CRYBG1: variants seen among roughly 807,000 people sequenced by gnomAD.
CRYBG1 encodes beta/gamma crystallin domain-containing protein 1.
A neutral mutation model predicts 189.2 loss-of-function variants in CRYBG1; 139 were observed. The observed-to-expected ratio is 0.73, with a 90% CI of 0.64 to 0.85. CRYBG1 has a LOEUF of 0.85. CRYBG1 is among the 40% of genes least tolerant of loss of function. The probability of loss-of-function intolerance (pLI) is 0.00; values close to 1 mark genes in which losing one functional copy is unlikely to be tolerated. For missense variants in CRYBG1, 2,611 were observed against 2,675.8 expected, an observed-to-expected ratio of 0.98 and a Z score of 0.53; for synonymous variants, 1,023 against 1,017.1, an observed-to-expected ratio of 1.01 and a Z score of -0.11.
chr6:106,403,939 G>C (rs923959608), intron 1 of CRYBG1, among the ~76,000 whole-genome samples: 4 of 152,270 alleles, frequency 2.6e-5, no homozygotes, highest in African/African-American at 4.8e-5. Context: ...ACTCATGAGA[G>C]AATGTGAAGT....
chr6:106,500,058 C>A (rs990060031), intron 2 of CRYBG1, among the ~76,000 whole-genome samples: 1 of 152,180 alleles, frequency 6.6e-6, no homozygotes, highest in African/African-American at 2.4e-5. Flanking sequence ...TTTGCTTTAT[C>A]CATTCATCCA....
At chr6:106,361,260 G>T (rs543475894) in intron 1 of CRYBG1, among the ~76,000 whole-genome samples, 179 bp downstream of exon 1, 4 of 152,210 alleles carry the variant, frequency 2.6e-5, no homozygotes, top group Non-Finnish European at 5.9e-5. Context: ...GGTTGACGAG[G>T]TTCCTCGCGG....
intron 2 of CRYBG1, among the ~76,000 whole-genome samples, chr6:106,469,369 T>C (rs1242972916): frequency 1.3e-5 from 2 of 152,240 alleles, no homozygotes; most frequent in African/African-American, 4.8e-5. Context: ...GTCTTTCTCT[T>C]CTACAATATA....
At chr6:106,388,945 T>G (rs17066934) in intron 1 of CRYBG1, among the ~76,000 whole-genome samples, 4,600 of 152,272 alleles carry the variant, frequency 0.03, 237 homozygotes, top group African/African-American at 0.1. Context: ...CTTTTAAACC[T>G]AAAGAGACTG....
At chr6:106,529,789 T>C (rs1408471453) in intron 7 of CRYBG1, among the ~76,000 whole-genome samples, 4 of 152,138 alleles carry the variant, frequency 2.6e-5, no homozygotes, top group Non-Finnish European at 5.9e-5. Flanking sequence ...TGAGGAAGAC[T>C]CCAAGAGCAG....
intron 2 of CRYBG1, among the ~76,000 whole-genome samples, chr6:106,460,157 T>A (rs1771978377): frequency 6.6e-6 from 1 of 151,832 alleles, no homozygotes; most frequent in African/African-American, 2.4e-5. Flanking sequence ...CGGCTAATTT[T>A]TTTTTTTGTA....
At chr6:106,382,053 T>C (rs1215238794) in intron 1 of CRYBG1, among the ~76,000 whole-genome samples, 1 of 152,178 alleles carries the variant, frequency 6.6e-6, no homozygotes, top group Non-Finnish European at 1.5e-5. Flanking sequence ...CCTCCTCAGC[T>C]GTGTCAGTTT....
At chr6:106,561,971 G>C (rs1256779234) in intron 20 of CRYBG1, among the ~76,000 whole-genome samples, 1 of 152,116 alleles carries the variant, frequency 6.6e-6, no homozygotes, top group African/African-American at 2.4e-5. Context: ...TGTCCCTCCT[G>C]CATCATTCCT....
intron 2 of CRYBG1, among the ~76,000 whole-genome samples, chr6:106,452,899 G>C (rs998574615): frequency 2.0e-5 from 3 of 152,120 alleles, no homozygotes; most frequent in Non-Finnish European, 4.4e-5. Context: ...CCTGAAGGTT[G>C]TATAATACAT....
intron 2 of CRYBG1, among the ~76,000 whole-genome samples, chr6:106,482,086 T>G (rs1466425522): frequency 2.6e-5 from 4 of 152,074 alleles, no homozygotes; most frequent in Admixed American, 1.3e-4. Flanking sequence ...TTGCAAGGCT[T>G]CAGTCAAGGT....
At chr6:106,517,341 T>C (rs1084696) in intron 3 of CRYBG1, among the ~76,000 whole-genome samples, 19,570 of 140,444 alleles carry the variant, frequency 0.14, 2,749 homozygotes, top group African/African-American at 0.35. Flanking sequence ...CATATATATA[T>C]ACACACACAT....
chr6:106,541,675 TACAC>T, intron 10 of CRYBG1, 54 bp downstream of exon 10: 26 of 1,177,536 alleles, frequency 2.2e-5, no homozygotes, highest in Non-Finnish European at 3.2e-5. Flanking sequence ...TTTAAACATA[TACAC>T]ATATATATGT....
intron 17 of CRYBG1, among the ~76,000 whole-genome samples, chr6:106,556,848 A>G (rs1167300732): frequency 2.0e-5 from 3 of 152,246 alleles, no homozygotes; most frequent in African/African-American, 7.2e-5. Flanking sequence ...ACAAAGAAAC[A>G]TGAAATGAGG....
At chr6:106,469,110 T>G (rs1772171803) in intron 2 of CRYBG1, among the ~76,000 whole-genome samples, 1 of 152,208 alleles carries the variant, frequency 6.6e-6, no homozygotes. Context: ...CCCCTCACTC[T>G]GCCTCAGCCA....
At chr6:106,489,787 CAAAAAA>C (rs10593320) in intron 2 of CRYBG1, among the ~76,000 whole-genome samples, 1 of 81,674 alleles carries the variant, frequency 1.2e-5, no homozygotes, top group Non-Finnish European at 2.7e-5. Flanking sequence ...ACTCTGTGTC[CAAAAAA>C]AAAAAAAAAA....
At position 106,570,004 on chromosome 6, in the gene CRYBG1, C is replaced by T. The variant is rs1469161730; in HGVS notation, c.*1438C>T. On this transcript the variant is annotated 3_prime_UTR_variant, in exon 22 of 22. Transcript: ENST00000633556. ...GAATCCTCAACTGCAGTAAGCATTT[C>T]AAAATGCAAACAAACTGCTTAACAA... 6.6e-6 allele frequency: 1 copy of T among 152,238 alleles called. No homozygotes were observed. The highest frequency in any genetic ancestry group is 1.9e-4 in the East Asian group (1 of 5,200). 9.4% of individuals were successfully genotyped at this position (152,238 alleles called of 1,614,324 possible). A position where few individuals can be genotyped will look rare whatever the true frequency, so the allele number is the denominator to read the frequency against.
Position 106,544,946 on chromosome 6 carries a change from A to G in CRYBG1, c.5312+13A>G. ...TACTGAGTGGAGTGTAAGTGAAATA[A>G]TCCAGTTGGAATTTTAAACATGCGT... On this transcript the variant is annotated intron_variant, in intron 13 of 21. Coordinates refer to ENST00000633556, the MANE Select transcript of CRYBG1 (RefSeq NM_001371242.2). The G allele has an allele frequency of 6.3e-7, 1 of 1,588,718 alleles. No homozygotes were observed. The highest frequency in any genetic ancestry group is 8.5e-7 in the Non-Finnish European group (1 of 1,172,218).
At chr6:106,500,103 T>C (rs1772969455) in intron 2 of CRYBG1, among the ~76,000 whole-genome samples, 2 of 152,232 alleles carry the variant, frequency 1.3e-5, no homozygotes, top group South Asian at 2.1e-4. Context: ...ATATCTTGGC[T>C]ATTGTGAATA....
chr6:106,444,261 T>G (rs1276290667), intron 1 of CRYBG1, among the ~76,000 whole-genome samples: 1 of 152,244 alleles, frequency 6.6e-6, no homozygotes, highest in Non-Finnish European at 1.5e-5. Flanking sequence ...CAAAAAAATC[T>G]TCTTTTGTAT....
Sources: allele counts gnomAD v4.1 joint callset (sites outside exome capture counted in the v4.1 genomes callset), GRCh38; gene constraint gnomAD v4.1.1; transcripts MANE v1.5; gene names NCBI Gene and HGNC (gene_info 2026-07-23, HGNC 2026-07-21).